The following ZNF71 variants were observed in gnomAD, a reference collection of about 807,000 sequenced individuals.
ZNF71 encodes zinc finger protein 71, also known as endothelial zinc finger protein induced by tumor necrosis factor alpha.
Under a neutral mutation model 6.7 loss-of-function variants are expected in ZNF71, and 3 were observed. That is an observed-to-expected ratio of 0.45 (90% CI 0.20 to 1.16). The LOEUF (loss-of-function observed/expected upper bound fraction) is 1.16. Among genes scored for constraint, ZNF71 ranks in the 50% most tolerant of loss-of-function variants. The pLI, the probability that ZNF71 is intolerant of heterozygous loss-of-function variation, is 0.25. For missense variants in ZNF71, 688 were observed against 728.6 expected (o/e 0.94, Z 0.64); for synonymous variants, 343 against 311.1 (o/e 1.10, Z -1.08).
At chr19:56,619,744 G>A (rs1356885012) in intron 3 of ZNF71, among the ~76,000 whole-genome samples, 1 of 152,182 alleles carries the variant, frequency 6.6e-6, no homozygotes. Flanking sequence ...TCATTTATGT[G>A]GAGGAGGGGG....
intron 3 of ZNF71, among the ~76,000 whole-genome samples, chr19:56,616,158 T>C (rs997166793): frequency 5.9e-5 from 9 of 152,214 alleles, no homozygotes; most frequent in African/African-American, 2.2e-4. Flanking sequence ...TTATATAGTT[T>C]TAGGTTTTAC....
intron 1 of ZNF71, among the ~76,000 whole-genome samples, chr19:56,596,861 G>A (rs1548865): frequency 0.72 from 109,172 of 151,962 alleles, 39,610 homozygotes; most frequent in East Asian, 1. Flanking sequence ...GATTTTCCCC[G>A]AGGGAATCCC....
intron 2 of ZNF71, among the ~76,000 whole-genome samples, chr19:56,606,238 A>G (rs1470354196): frequency 6.6e-6 from 1 of 152,182 alleles, no homozygotes; most frequent in African/African-American, 2.4e-5. Flanking sequence ...GGTGCATGGC[A>G]GGCACTTAAT....
Position 56,622,191 on chromosome 19 carries a change from G to C in ZNF71, c.1084G>C (p.Glu362Gln). Residue 362 changes from glutamate to glutamine, a missense_variant, in exon 4 of 4, where the codon GAG becomes CAG. Glu to Gln is a conservative substitution (Grantham distance 29). Transcript: ENST00000599599. ...CGGGGAGAAGCCGTACGCCTGCAAG[G>C]AGTGCGGCAAGGCCTTCAACAAGAG... ...HTGEKPYACK[E>Q]CGKAFNKSSS... 1 of 1,613,360 alleles carries C rather than the reference G, an allele frequency of 6.2e-7. No homozygotes were observed. The highest frequency in any genetic ancestry group is 1.7e-4 in the Middle Eastern group (1 of 6,058).
In ZNF71 at chr19:56,621,700, C is replaced by T. The variant is rs1327926933; in HGVS notation, c.593C>T (p.Ala198Val). 2 of 1,614,154 alleles carry T rather than the reference C, an allele frequency of 1.2e-6. No homozygotes were observed. The change falls in exon 4 of 4, where the codon GCC becomes GTC. Residue 198 changes from alanine to valine, a missense_variant. By Grantham distance (64) the Ala-to-Val change is moderately conservative. Coordinates refer to ENST00000599599, the MANE Select transcript of ZNF71 (RefSeq NM_001370215.1). ...TACGACTGCAGCGAGTGTGGCAAGG[C>T]CTTTAGCCGAAGCTCGTCCCTGATA... ...KTYDCSECGK[A>V]FSRSSSLIKH...
chr19:56,610,160 G>A (rs2044740859), intron 2 of ZNF71: 1 of 152,220 alleles, frequency 6.6e-6, no homozygotes, highest in Admixed American at 6.5e-5. Context: ...GAATGGAAGT[G>A]CTAGGTCATA....
At chr19:56,619,335 C>G (rs991455275) in intron 3 of ZNF71, among the ~76,000 whole-genome samples, 27 of 152,232 alleles carry the variant, frequency 1.8e-4, no homozygotes, top group Non-Finnish European at 2.4e-4. Flanking sequence ...TCCTCAGCCC[C>G]CGGCATCCTC....
rs748941213 is a variant in ZNF71 at position 56,613,700 on chromosome 19, CT to C, written c.34-110del. The C allele has an allele frequency of 5.4e-5, 48 of 896,878 alleles. No individual in the cohort carries two copies. Among genetic ancestry groups the C allele is most frequent in the Non-Finnish European group, 6.0e-5 (44 of 734,516 alleles). 55.6% of individuals were successfully genotyped at this position (896,878 alleles called of 1,614,324 possible). A position where few individuals can be genotyped will look rare whatever the true frequency, so the allele number is the denominator to read the frequency against. ...AGAACTCTGCATCTTATTGAAATCA[CT>C]TCAGCTACATCCCATCTGCCTCCCC... On this transcript the variant is annotated intron_variant, in intron 2 of 3. Transcript: ENST00000599599. This position sits in a 1 kb window ranked among gnomAD's most constrained non-coding sequence, Gnocchi z 4.6.
chr19:56,604,963 G>T lies in ZNF71; in HGVS notation c.33+3372G>T, dbSNP rs377213371. On this transcript the variant is annotated intron_variant, in intron 2 of 3. Transcript: ENST00000599599. The stretch of plus-strand genomic sequence containing the variant: ...CTTACATAAATAAGTGGGCAGGTGG[G>T]GCCTGTAGCAAATTGGAGCTTTCTT... 2.6e-5 allele frequency among the ~76,000 whole-genome samples: 4 copies of T among 152,110 alleles called. No individual in the cohort carries two copies. In the East Asian group the frequency reaches 7.7e-4, roughly 29 times the overall value.
intron 2 of ZNF71, among the ~76,000 whole-genome samples, chr19:56,607,464 G>T (rs983186180): frequency 1.3e-5 from 2 of 152,120 alleles, no homozygotes; most frequent in Non-Finnish European, 2.9e-5. Context: ...GCTGTTCTAG[G>T]GTCTGAGGAT....
chr19:56,621,979 A>C lies in ZNF71; in HGVS notation c.872A>C (p.Gln291Pro). ...TTCCGGAAGACTTCCTCTCTCACCC[A>C]GCACGAGCGGATCCACACGGGGGAG... Reference protein sequence around the residue: ...KAFRKTSSLTQHERIHTGEKP... With the variant: ...KAFRKTSSLTPHERIHTGEKP... Residue 291 changes from glutamine (Q) to proline (P), a missense_variant, in exon 4 of 4, where the codon CAG (glutamine) becomes CCG (proline). Physicochemically the swap from Gln to Pro is moderately conservative, Grantham distance 76. Transcript: ENST00000599599. 3 of 1,601,444 alleles carry C rather than the reference A, an allele frequency of 1.9e-6. No individual in the cohort carries two copies. Among genetic ancestry groups the C allele is most frequent in the Non-Finnish European group, 2.5e-6 (3 of 1,176,788 alleles).
chr19:56,597,188 T>G (rs2044632375), intron 1 of ZNF71, among the ~76,000 whole-genome samples: 1 of 152,218 alleles, frequency 6.6e-6, no homozygotes, highest in Non-Finnish European at 1.5e-5. Flanking sequence ...AAAGGTTTCA[T>G]GGGCCCCATG....
Position 56,618,625 on chromosome 19 carries a change from G to A in ZNF71, c.161-2643G>A, listed in dbSNP as rs974813408. On this transcript the variant is annotated intron_variant, in intron 3 of 3. Transcript: ENST00000599599. This position sits in a 1 kb window ranked among gnomAD's most constrained non-coding sequence, Gnocchi z 4.6. ...CGTAGGGTGGATTGGGAAGGCTCCC[G>A]TGGGGTTGTGGGGAAACAGGCCTGA... Among the ~76,000 whole-genome samples the A allele has an allele frequency of 4.3e-4, 66 of 152,288 alleles. No individual in the cohort carries two copies. The highest frequency in any genetic ancestry group is 1.5e-3 in the African/African-American group (61 of 41,564).
At chr19:56,611,422 C>A (rs1464116042) in intron 2 of ZNF71, among the ~76,000 whole-genome samples, 1 of 152,172 alleles carries the variant, frequency 6.6e-6, no homozygotes, top group Admixed American at 6.5e-5. Context: ...GGTCCAGGAA[C>A]CTACCCTGTC....
At chr19:56,596,689 CCAT>C (rs1461674904) in intron 1 of ZNF71, among the ~76,000 whole-genome samples, 2 of 152,274 alleles carry the variant, frequency 1.3e-5, no homozygotes, top group Middle Eastern at 3.4e-3. Flanking sequence ...GAGGTAGAGA[CCAT>C]CATCATCCTT....
At chr19:56,611,934 TC>T (rs2044754867) in intron 2 of ZNF71, among the ~76,000 whole-genome samples, 1 of 152,180 alleles carries the variant, frequency 6.6e-6, no homozygotes, top group Non-Finnish European at 1.5e-5. Flanking sequence ...CACAGCCTTG[TC>T]CCTGTGTACA....
intron 3 of ZNF71, among the ~76,000 whole-genome samples, chr19:56,615,563 T>TG (rs763556213): frequency 1.3e-5 from 1 of 74,246 alleles, no homozygotes; most frequent in Non-Finnish European, 2.3e-5. Flanking sequence ...TTCCTGTTTT[T>TG]TTTTTTTTTT....
chr19:56,602,188 G>A (rs2044675890), intron 2 of ZNF71, among the ~76,000 whole-genome samples: 1 of 152,116 alleles, frequency 6.6e-6, no homozygotes, highest in Non-Finnish European at 1.5e-5. Context: ...GCCATACCCT[G>A]GTTTACTTAA....
rs758050277 is a variant in ZNF71 at position 56,622,760 on chromosome 19, G to C, written c.*3G>C. 4.4e-6 allele frequency: 7 copies of C among 1,591,264 alleles called. No individual in the cohort carries two copies. Among genetic ancestry groups the C allele is most frequent in the Non-Finnish European group, 6.0e-6 (7 of 1,167,474 alleles). ...GCCACCTGCGGATTCACACCTGAGC[G>C]CCTCTGTGCAGGGCTCTCACTGGCG... is the stretch of plus-strand genomic sequence containing the variant. On this transcript the variant is annotated 3_prime_UTR_variant, in exon 4 of 4. Coordinates refer to ENST00000599599, the MANE Select transcript of ZNF71 (RefSeq NM_001370215.1).
Sources: allele counts gnomAD v4.1 joint callset (sites outside exome capture counted in the v4.1 genomes callset), GRCh38; gene constraint gnomAD v4.1.1; non-coding constraint Gnocchi (gnomAD v3.1); transcripts MANE v1.5; gene names NCBI Gene and HGNC (gene_info 2026-07-23, HGNC 2026-07-21).